Variants in MAPK8 observed in about 807,000 individuals in gnomAD.
MAPK8 encodes mitogen-activated protein kinase 8.
In MAPK8, 13 loss-of-function variants were observed where a neutral mutation model predicts 52.9. The ratio of observed to expected loss-of-function variants is 0.25; its 90% CI spans 0.16 to 0.39. The LOEUF (loss-of-function observed/expected upper bound fraction) is 0.39, where lower values mean the gene tolerates loss of function less well. Among genes scored for constraint, MAPK8 ranks in the 10% least tolerant of loss-of-function variants. The probability of loss-of-function intolerance (pLI) is 1.00; values close to 1 mark genes in which losing one functional copy is unlikely to be tolerated. For synonymous variants in MAPK8, 191 were observed against 169.8 expected, an observed-to-expected ratio of 1.12 and a Z score of -0.97; for missense variants, 300 against 519.2, an observed-to-expected ratio of 0.58 and a Z score of 4.10.
At chr10:48,404,719 G>A in intron 2 of MAPK8, 133 bp from the exon 3 acceptor site, 1 of 620,222 alleles carries the variant, frequency 1.6e-6, no homozygotes, top group Non-Finnish European at 2.8e-6. Flanking sequence ...CACATGTTGA[G>A]CGTCATAGAC....
intron 1 of MAPK8, among the ~76,000 whole-genome samples, chr10:48,356,288 A>G (rs914540530): frequency 3.9e-5 from 6 of 152,220 alleles, no homozygotes; most frequent in African/African-American, 1.2e-4. Flanking sequence ...AAAGACACAT[A>G]ACTTTTCAGA....
At chr10:48,387,036 T>C (rs2041356892) in intron 1 of MAPK8, among the ~76,000 whole-genome samples, 1 of 152,242 alleles carries the variant, frequency 6.6e-6, no homozygotes, top group South Asian at 2.1e-4. Flanking sequence ...TGTCTTAGCA[T>C]CATTTTGTGG....
intron 6 of MAPK8, 110 bp downstream of exon 6, chr10:48,420,430 C>G: frequency 9.5e-7 from 1 of 1,052,118 alleles, no homozygotes; most frequent in Non-Finnish European, 1.3e-6. Context: ...AAATGTGTAT[C>G]ATTGTTTGAA....
chr10:48,376,079 A>G (rs551130471), intron 1 of MAPK8, among the ~76,000 whole-genome samples: 10 of 152,326 alleles, frequency 6.6e-5, no homozygotes, highest in Non-Finnish European at 1.2e-4. Flanking sequence ...CTCAGAAATA[A>G]CACCACACGT....
chr10:48,409,261 C>T (rs2042623851), intron 3 of MAPK8, among the ~76,000 whole-genome samples: 1 of 152,076 alleles, frequency 6.6e-6, no homozygotes, highest in Non-Finnish European at 1.5e-5. Flanking sequence ...TATTATGGTG[C>T]ATATACTGAA....
At chr10:48,311,153 G>A (rs146308782) in intron 1 of MAPK8, among the ~76,000 whole-genome samples, 3 of 152,280 alleles carry the variant, frequency 2.0e-5, no homozygotes, top group East Asian at 3.9e-4. Context: ...TGGCACTGTT[G>A]TGGTGGCTGG....
chr10:48,377,712 A>G (rs2040756391), intron 1 of MAPK8, among the ~76,000 whole-genome samples: 1 of 152,164 alleles, frequency 6.6e-6, no homozygotes, highest in Non-Finnish European at 1.5e-5. Flanking sequence ...AACTTCATGA[A>G]ATAGAGTTGC....
At chr10:48,380,134 C>T (rs1055682262) in intron 1 of MAPK8, among the ~76,000 whole-genome samples, 8 of 151,600 alleles carry the variant, frequency 5.3e-5, no homozygotes, top group South Asian at 2.1e-4. Context: ...CCCAGCTACC[C>T]GGGAGGCTGA....
Position 48,379,957 on chromosome 10 carries a change from A to AC in MAPK8, c.-49-21655_-49-21654insC, listed in dbSNP as rs1480663797. On this transcript the variant is annotated intron_variant, in intron 1 of 11. Coordinates refer to ENST00000374189, the MANE Select transcript of MAPK8 (RefSeq NM_001323329.2). ...AGCTCTTAAAAAAAAAAAAAAAAAA[A>AC]AACAGACTAGATGCAGTGGCTCACG... 8.6e-5 allele frequency among the ~76,000 whole-genome samples: 13 copies of AC among 151,730 alleles called. No homozygotes were observed. The South Asian group carries it at 1.0e-3, about 12-fold the overall frequency.
intron 2 of MAPK8, among the ~76,000 whole-genome samples, chr10:48,403,319 A>G (rs1242599674): frequency 4.6e-5 from 7 of 152,134 alleles, no homozygotes; most frequent in Middle Eastern, 3.4e-3. Context: ...TTAGCTGGGC[A>G]TGGTGGCACA....
At chr10:48,332,601 T>C (rs1053919496) in intron 1 of MAPK8, among the ~76,000 whole-genome samples, 1 of 152,240 alleles carries the variant, frequency 6.6e-6, no homozygotes, top group Admixed American at 6.5e-5. Flanking sequence ...GGGATCAGGC[T>C]AAATAGTCTA....
chr10:48,367,255 A>G (rs1182226781), intron 1 of MAPK8, among the ~76,000 whole-genome samples: 2 of 152,082 alleles, frequency 1.3e-5, no homozygotes, highest in African/African-American at 2.4e-5. Context: ...AGTCCTAGCT[A>G]TTCAGGAGGC....
chr10:48,414,877 C>T (rs1390457033), intron 5 of MAPK8, among the ~76,000 whole-genome samples: 2 of 152,078 alleles, frequency 1.3e-5, no homozygotes, highest in Admixed American at 1.3e-4. Flanking sequence ...CCATCATGCC[C>T]AGCCTGGAAT....
At chr10:48,370,205 T>C (rs1848421330) in intron 1 of MAPK8, among the ~76,000 whole-genome samples, 1 of 152,134 alleles carries the variant, frequency 6.6e-6, no homozygotes, top group South Asian at 2.1e-4. Flanking sequence ...TCCCTGACTT[T>C]CATTTTCTCT....
At chr10:48,350,548 G>A (rs536710155) in intron 1 of MAPK8, among the ~76,000 whole-genome samples, 2 of 152,220 alleles carry the variant, frequency 1.3e-5, no homozygotes, top group Admixed American at 6.5e-5. Context: ...TGCAGAAAAG[G>A]CCTTTGACAA....
intron 1 of MAPK8, among the ~76,000 whole-genome samples, chr10:48,374,028 C>T (rs201812563): frequency 2.8e-4 from 43 of 152,124 alleles, no homozygotes; most frequent in Middle Eastern, 3.4e-3. Context: ...TGCAAGAGAA[C>T]AGAAATCATA....
chr10:48,420,490 G>A (rs2043290973), intron 6 of MAPK8, among the ~76,000 whole-genome samples, 170 bp downstream of exon 6: 1 of 152,058 alleles, frequency 6.6e-6, no homozygotes, highest in Non-Finnish European at 1.5e-5. Flanking sequence ...ATCAATGTTT[G>A]GAAAAACTTG....
At chr10:48,370,464 A>G (rs1848440585) in intron 1 of MAPK8, among the ~76,000 whole-genome samples, 1 of 152,302 alleles carries the variant, frequency 6.6e-6, no homozygotes, top group Admixed American at 6.5e-5. Context: ...AGATATTGAC[A>G]TGATGGTGGT....
At chr10:48,333,031 C>T (rs1465242646) in intron 1 of MAPK8, among the ~76,000 whole-genome samples, 1 of 152,188 alleles carries the variant, frequency 6.6e-6, no homozygotes, top group Non-Finnish European at 1.5e-5. Context: ...CCCTTGCCAT[C>T]TGTCACTGGA....
Sources: allele counts gnomAD v4.1 joint callset (sites outside exome capture counted in the v4.1 genomes callset), GRCh38; gene constraint gnomAD v4.1.1; transcripts MANE v1.5; gene names NCBI Gene and HGNC (gene_info 2026-07-23, HGNC 2026-07-21).